The following IL1RAPL1 variants were observed in gnomAD, a reference collection of about 807,000 sequenced individuals.
IL1RAPL1 encodes interleukin-1 receptor accessory protein-like 1.
IL1RAPL1 carries 3 observed loss-of-function variants against 48.4 expected under a neutral mutation model. The observed-to-expected ratio is 0.06, with a 90% CI of 0.03 to 0.16. The LOEUF (loss-of-function observed/expected upper bound fraction) is 0.16, where lower values mean the gene tolerates loss of function less well. Among genes scored for constraint, IL1RAPL1 ranks in the 10% least tolerant of loss-of-function variants. The pLI, the probability that IL1RAPL1 is intolerant of heterozygous loss-of-function variation, is 1.00. For synonymous variants in IL1RAPL1, 185 were observed against 187.7 expected, an observed-to-expected ratio of 0.99 and a Z score of 0.12; for missense variants, 349 against 530.6, an observed-to-expected ratio of 0.66 and a Z score of 3.36.
intron 2 of IL1RAPL1, among the ~76,000 whole-genome samples, chrX:28,850,328 G>T (rs766664872): frequency 1.8e-5 from 2 of 111,171 alleles, no homozygotes; most frequent in Non-Finnish European, 3.8e-5. Context: ...GGCTCGAGAT[G>T]CTGCTTTCTG....
At chrX:29,839,654 G>A (rs1348221753) in intron 6 of IL1RAPL1, among the ~76,000 whole-genome samples, 1 of 112,504 alleles carries the variant, frequency 8.9e-6, no homozygotes, top group Non-Finnish European at 1.9e-5. Context: ...CTAGCACTTT[G>A]GGAGGCTCAC....
intron 2 of IL1RAPL1, among the ~76,000 whole-genome samples, chrX:29,112,126 C>T (rs948058079): frequency 2.7e-5 from 3 of 109,694 alleles, no homozygotes; most frequent in Non-Finnish European, 5.7e-5. Context: ...GATGGGGTTT[C>T]ACCATGTTGG....
intron 2 of IL1RAPL1, among the ~76,000 whole-genome samples, chrX:29,278,373 G>A (rs1932149413): frequency 8.9e-6 from 1 of 111,819 alleles, no homozygotes. Flanking sequence ...AACTTTATGA[G>A]AGGTAACAAA....
chrX:29,415,885 A>C (rs2147701350), intron 5 of IL1RAPL1, among the ~76,000 whole-genome samples: 2 of 112,296 alleles, frequency 1.8e-5, no homozygotes, highest in East Asian at 2.8e-4. Context: ...AATTTGAATA[A>C]ATTTCTATTA....
chrX:29,363,009 C>T (rs113501643), intron 3 of IL1RAPL1, among the ~76,000 whole-genome samples: 2,314 of 111,118 alleles, frequency 0.021, 64 homozygotes, highest in African/African-American at 0.071. Context: ...AACTGAGGCA[C>T]GGGAAGGTTA....
intron 5 of IL1RAPL1, among the ~76,000 whole-genome samples, chrX:29,555,572 A>C (rs1047305648): frequency 8.9e-6 from 1 of 111,854 alleles, no homozygotes; most frequent in African/African-American, 3.2e-5. Flanking sequence ...GATGTCTCAA[A>C]TGTGCTTCAA....
At position 29,802,791 on chromosome X, in the gene IL1RAPL1, GTATATATATATATATATATGTGTGTA is replaced by G. The variant is rs1569172748; in HGVS notation, c.779-114665_779-114640del. Among the ~76,000 whole-genome samples the G allele has an allele frequency of 7.9e-3, 270 of 34,078 alleles. 28 individuals carry two copies. The highest frequency in any genetic ancestry group is 0.037 in the African/African-American group (261 of 7,103). The allele number at this position is 34,078 out of a possible 115,157, so 29.6% of individuals were successfully genotyped here. A position where few individuals can be genotyped will look rare whatever the true frequency, so the allele number is the denominator to read the frequency against. ...TATATATATATATATATGTGTGTGT[GTATATATATATATATATATGTGTGTA>G]TATATATGTATACATATATGTATAC... On this transcript the variant is annotated intron_variant, in intron 6 of 10. Transcript: ENST00000378993.
At chrX:29,377,034 G>A (rs1933633170) in intron 3 of IL1RAPL1, among the ~76,000 whole-genome samples, 1 of 111,976 alleles carries the variant, frequency 8.9e-6, no homozygotes, top group African/African-American at 3.3e-5. Flanking sequence ...GAATCTGGGT[G>A]CTCCAATGTT....
At chrX:29,886,050 G>GTAA (rs763881946) in intron 6 of IL1RAPL1, among the ~76,000 whole-genome samples, 4 of 111,831 alleles carry the variant, frequency 3.6e-5, no homozygotes, top group African/African-American at 6.5e-5. Context: ...TTTTAGAGAA[G>GTAA]TAATAGTTCC....
At chrX:29,423,223 A>G (rs1340803804) in intron 5 of IL1RAPL1, among the ~76,000 whole-genome samples, 7 of 111,852 alleles carry the variant, frequency 6.3e-5, no homozygotes, top group African/African-American at 2.3e-4. Flanking sequence ...TACTACCTGG[A>G]AGCACCCCCA....
chrX:28,661,771 G>A lies in IL1RAPL1; in HGVS notation c.-25+73724G>A, dbSNP rs188850105. Among the ~76,000 whole-genome samples the A allele has an allele frequency of 2.4e-3, 271 of 111,870 alleles. 3 individuals are homozygous for A. Among genetic ancestry groups the A allele is most frequent in the African/African-American group, 8.2e-3 (253 of 30,897 alleles). Reference sequence around the variant, plus strand: ...ACAAATTAGAATAAAATATTATAATGTTCAAAGAACACTCTATATTCCATA... The same window carrying A: ...ACAAATTAGAATAAAATATTATAATATTCAAAGAACACTCTATATTCCATA... On this transcript the variant is annotated intron_variant, in intron 1 of 10. Transcript: ENST00000378993.
At chrX:29,894,508 G>A (rs1048003499) in intron 6 of IL1RAPL1, among the ~76,000 whole-genome samples, 1 of 111,106 alleles carries the variant, frequency 9.0e-6, no homozygotes, top group Non-Finnish European at 1.9e-5. Flanking sequence ...AATCATCAAC[G>A]TTTTACTTAC....
chrX:29,159,457 T>C (rs930806762), intron 2 of IL1RAPL1, among the ~76,000 whole-genome samples: 1 of 111,938 alleles, frequency 8.9e-6, no homozygotes. Flanking sequence ...TGGCAGATGA[T>C]AGCTAAGTGC....
intron 2 of IL1RAPL1, among the ~76,000 whole-genome samples, chrX:28,997,567 A>G (rs561185300): frequency 9.0e-6 from 1 of 111,695 alleles, no homozygotes; most frequent in African/African-American, 3.2e-5. Context: ...TACTTAATTT[A>G]TGCAGCATAC....
chrX:29,502,167 G>C (rs1935282374), intron 5 of IL1RAPL1, among the ~76,000 whole-genome samples: 1 of 110,560 alleles, frequency 9.0e-6, no homozygotes, highest in African/African-American at 3.3e-5. Flanking sequence ...ATATTTATTT[G>C]GTTTTTTTGT....
chrX:29,426,951 G>A (rs756863032), intron 5 of IL1RAPL1, among the ~76,000 whole-genome samples: 24 of 108,725 alleles, frequency 2.2e-4, no homozygotes, highest in Non-Finnish European at 4.0e-4. Context: ...CATTTTATTT[G>A]AGACCACAGA....
At chrX:29,371,126 C>CTTTTTTT (rs1168566971) in intron 3 of IL1RAPL1, among the ~76,000 whole-genome samples, 3 of 56,719 alleles carry the variant, frequency 5.3e-5, no homozygotes, top group Non-Finnish European at 6.2e-5. Flanking sequence ...TCTAAATGTA[C>CTTTTTTT]TTTTTTTTTT....
chrX:29,714,040 T>A (rs1374815863), intron 6 of IL1RAPL1, among the ~76,000 whole-genome samples: 1 of 111,579 alleles, frequency 9.0e-6, no homozygotes, highest in Non-Finnish European at 1.9e-5. Flanking sequence ...GGCCAGTTAG[T>A]AAATATACGC....
chrX:29,667,721 T>C (rs771630843), intron 5 of IL1RAPL1, among the ~76,000 whole-genome samples: 32 of 112,240 alleles, frequency 2.9e-4, no homozygotes, highest in Non-Finnish European at 4.9e-4. Flanking sequence ...TAATTGAAGT[T>C]GACGAGAGCA....
Sources: gnomAD v4.1 joint callset for allele counts (sites outside exome capture counted in the v4.1 genomes callset) on GRCh38, gnomAD v4.1.1 for gene constraint, MANE v1.5 for transcripts, NCBI Gene and HGNC (gene_info 2026-07-23, HGNC 2026-07-21) for gene names.